MACROD2: variants seen among roughly 807,000 people sequenced by gnomAD.
The protein encoded by MACROD2 is ADP-ribose glycohydrolase MACROD2.
MACROD2 carries 36 observed loss-of-function variants against 70.4 expected under a neutral mutation model. The ratio of observed to expected loss-of-function variants is 0.51; its 90% confidence interval spans 0.39 to 0.68. The LOEUF is 0.68. Ranked by LOEUF, MACROD2 falls within the 30% of genes least tolerant of loss-of-function variation. The pLI, the probability that MACROD2 is intolerant of heterozygous loss-of-function variation, is 0.00. For missense variants in MACROD2, 496 were observed against 538.4 expected (o/e 0.92, Z 0.78); for synonymous variants, 172 against 178.8 (o/e 0.96, Z 0.30).
chr20:14,200,499 GT>G (rs1363035997), intron 3 of MACROD2, among the ~76,000 whole-genome samples: 2 of 152,076 alleles, frequency 1.3e-5, no homozygotes, highest in African/African-American at 4.8e-5. Context: ...GTTTACCTAT[GT>G]AACAAACCTG....
chr20:15,485,217 T>G (rs1348459698), intron 7 of MACROD2, among the ~76,000 whole-genome samples: 1 of 152,066 alleles, frequency 6.6e-6, no homozygotes, highest in Non-Finnish European at 1.5e-5. Flanking sequence ...GAAGGCCTGT[T>G]ACTTTGTAAG....
intron 8 of MACROD2, among the ~76,000 whole-genome samples, chr20:15,648,193 G>T (rs1172474713): frequency 6.6e-6 from 1 of 152,206 alleles, no homozygotes; most frequent in Admixed American, 6.5e-5. Flanking sequence ...AGAAGCCAAG[G>T]CTGTGGAAAT....
intron 6 of MACROD2, among the ~76,000 whole-genome samples, chr20:15,236,816 G>T (rs1302224317): frequency 6.6e-6 from 1 of 152,184 alleles, no homozygotes; most frequent in African/African-American, 2.4e-5. Context: ...GTGAATTAAG[G>T]TCTTACCTTG....
chr20:14,308,816 TAA>T (rs888491828), intron 3 of MACROD2, among the ~76,000 whole-genome samples: 2 of 151,852 alleles, frequency 1.3e-5, no homozygotes, highest in Non-Finnish European at 2.9e-5. Flanking sequence ...AGGCCAAAGC[TAA>T]AGAGAGAATA....
intron 5 of MACROD2, among the ~76,000 whole-genome samples, chr20:15,067,392 C>G (rs527300111): frequency 6.6e-6 from 1 of 152,240 alleles, no homozygotes; most frequent in Admixed American, 6.5e-5. Context: ...CTCTGTTGCT[C>G]AGGCTGGAGT....
intron 5 of MACROD2, among the ~76,000 whole-genome samples, chr20:14,836,019 G>T (rs1230353031): frequency 2.0e-5 from 3 of 151,710 alleles, no homozygotes; most frequent in African/African-American, 7.3e-5. Flanking sequence ...TGCTAAACAG[G>T]TTTAAATCCT....
intron 5 of MACROD2, among the ~76,000 whole-genome samples, chr20:15,105,095 G>T (rs1425851217): frequency 6.6e-6 from 1 of 152,124 alleles, no homozygotes; most frequent in Non-Finnish European, 1.5e-5. Flanking sequence ...GTTTCTTTTA[G>T]TTGCAAGTGA....
chr20:14,757,504 T>C, intron 5 of MACROD2: 1 of 591,160 alleles, frequency 1.7e-6, no homozygotes, highest in Non-Finnish European at 3.0e-6. Context: ...ATAGATCCCA[T>C]ATGTCTCTTT....
chr20:14,043,009 TCTGAGCTCATATGAGC>T (rs141587771), intron 2 of MACROD2, among the ~76,000 whole-genome samples: 22,810 of 151,748 alleles, frequency 0.15, 1,880 homozygotes, highest in Admixed American at 0.21. Context: ...GCCTCGACCT[TCTGAGCTCATATGAGC>T]CTCCTGCTTC....
chr20:14,578,342 G>A (rs772242310), intron 4 of MACROD2, among the ~76,000 whole-genome samples: 6 of 151,916 alleles, frequency 3.9e-5, no homozygotes, highest in Admixed American at 6.6e-5. Context: ...TATTACAGGC[G>A]ATATACTTTC....
intron 3 of MACROD2, among the ~76,000 whole-genome samples, chr20:14,360,644 T>C (rs2083212605): frequency 1.3e-5 from 2 of 152,208 alleles, no homozygotes. Context: ...AGAGAGCAAA[T>C]GAATTATCAT....
At chr20:14,916,220 C>T (rs2074089633) in intron 5 of MACROD2, among the ~76,000 whole-genome samples, 1 of 152,160 alleles carries the variant, frequency 6.6e-6, no homozygotes, top group African/African-American at 2.4e-5. Context: ...CAGAGTTCTG[C>T]CCTCCTTCCC....
At chr20:15,835,549 C>A (rs1163109367) in intron 8 of MACROD2, among the ~76,000 whole-genome samples, 1 of 151,992 alleles carries the variant, frequency 6.6e-6, no homozygotes, top group East Asian at 1.9e-4. Context: ...GTAATAATAT[C>A]ATTGGTATGT....
In MACROD2 at chr20:15,057,986, A is replaced by T. The variant is rs1041375171; in HGVS notation, c.419-171954A>T. ...AAAATACCCTGTCGCTTGGCAGACA[A>T]TCATGGTCTCAATTTAGAATTTATA... On this transcript the variant is annotated intron_variant, in intron 5 of 17. Transcript: ENST00000684519. 3.3e-5 allele frequency among the ~76,000 whole-genome samples: 5 copies of T among 152,312 alleles called. No homozygotes were observed. In the East Asian group the frequency reaches 9.7e-4, roughly 29 times the overall value.
intron 5 of MACROD2, among the ~76,000 whole-genome samples, chr20:14,878,249 A>G (rs1262805448): frequency 6.6e-6 from 1 of 152,154 alleles, no homozygotes; most frequent in Admixed American, 6.5e-5. Flanking sequence ...AAGAAAGAGA[A>G]CATCCTTAAA....
At chr20:15,503,736 G>A (rs905801214) in intron 8 of MACROD2, among the ~76,000 whole-genome samples, 1 of 152,110 alleles carries the variant, frequency 6.6e-6, no homozygotes, top group African/African-American at 2.4e-5. Flanking sequence ...GCCCCATCAT[G>A]ACTGTGTCTG....
At chr20:14,073,383 T>G (rs1050697629) in intron 2 of MACROD2, among the ~76,000 whole-genome samples, 4 of 152,138 alleles carry the variant, frequency 2.6e-5, no homozygotes, top group African/African-American at 9.7e-5. Context: ...AATGAGCACT[T>G]ATCAACACAT....
At chr20:15,243,239 A>G (rs1311788339) in intron 6 of MACROD2, among the ~76,000 whole-genome samples, 1 of 152,182 alleles carries the variant, frequency 6.6e-6, no homozygotes, top group East Asian at 1.9e-4. Context: ...GCATCACAGC[A>G]CGAACTGGGA....
At chr20:14,420,756 G>A (rs2083867306) in intron 3 of MACROD2, among the ~76,000 whole-genome samples, 1 of 152,106 alleles carries the variant, frequency 6.6e-6, no homozygotes, top group Non-Finnish European at 1.5e-5. Context: ...TCAGTGGTGT[G>A]ATCACAGCTC....
Sources: allele counts gnomAD v4.1 joint callset (sites outside exome capture counted in the v4.1 genomes callset), GRCh38; gene constraint gnomAD v4.1.1; transcripts MANE v1.5; gene names NCBI Gene and HGNC (gene_info 2026-07-23, HGNC 2026-07-21).